The following LARGE1 variants were observed in gnomAD, a reference collection of about 807,000 sequenced individuals.
LARGE1 encodes the protein LARGE xylosyl- and glucuronyltransferase 1.
LARGE1 carries 43 observed loss-of-function variants against 87.6 expected under a neutral mutation model. The ratio of observed to expected loss-of-function variants is 0.49; its 90% CI spans 0.38 to 0.63. LARGE1 has a LOEUF of 0.63. Among genes scored for constraint, LARGE1 ranks in the 30% least tolerant of loss-of-function variants. LARGE1 has a pLI of 0.00. For missense variants in LARGE1, 802 were observed against 1,000.2 expected, an observed-to-expected ratio of 0.80 and a Z score of 2.67; for synonymous variants, 434 against 394.6, an observed-to-expected ratio of 1.10 and a Z score of -1.18.
At chr22:33,689,125 C>A (rs2082023306) in intron 2 of LARGE1, among the ~76,000 whole-genome samples, 1 of 150,210 alleles carries the variant, frequency 6.7e-6, no homozygotes, top group Non-Finnish European at 1.5e-5. Flanking sequence ...CGTGCTACTG[C>A]AAGGGCTGAC....
chr22:33,809,543 G>A (rs2086425607), intron 1 of LARGE1, among the ~76,000 whole-genome samples: 1 of 152,166 alleles, frequency 6.6e-6, no homozygotes, highest in African/African-American at 2.4e-5. Flanking sequence ...AGAGAGGTGT[G>A]GGCCTCACAT....
chr22:33,606,405 A>AAAAT (rs1379898898), intron 4 of LARGE1, among the ~76,000 whole-genome samples: 1 of 134,680 alleles, frequency 7.4e-6, no homozygotes, highest in East Asian at 2.2e-4. Flanking sequence ...ACCCCATCAC[A>AAAAT]AAATAAATAA....
chr22:33,626,047 T>C (rs1157292707), intron 4 of LARGE1, among the ~76,000 whole-genome samples, 197 bp downstream of exon 4: 1 of 152,228 alleles, frequency 6.6e-6, no homozygotes, highest in Admixed American at 6.5e-5. Flanking sequence ...ATTCTAAACA[T>C]GGCAAGACAG....
intron 10 of LARGE1, among the ~76,000 whole-genome samples, chr22:33,334,925 C>T (rs556029605): frequency 3.3e-5 from 5 of 152,350 alleles, no homozygotes; most frequent in Admixed American, 6.5e-5. Context: ...GAAAGACCAC[C>T]GACGACTTCT....
At chr22:33,627,581 C>T (rs930819304) in intron 3 of LARGE1, among the ~76,000 whole-genome samples, 10 of 152,178 alleles carry the variant, frequency 6.6e-5, no homozygotes, top group Admixed American at 5.9e-4. Flanking sequence ...GTTATCCCAA[C>T]CAGCCATGTC....
intron 7 of LARGE1, among the ~76,000 whole-genome samples, chr22:33,391,644 T>A (rs1392933636): frequency 1.3e-5 from 2 of 152,068 alleles, no homozygotes; most frequent in African/African-American, 2.4e-5. Flanking sequence ...TAATGACCCA[T>A]GTCCCCCTCT....
chr22:33,718,669 G>A (rs948076674), intron 2 of LARGE1, among the ~76,000 whole-genome samples: 2 of 152,250 alleles, frequency 1.3e-5, no homozygotes, highest in African/African-American at 4.8e-5. Flanking sequence ...GCACGTTCAT[G>A]CCCCTGAAGA....
chr22:33,669,242 T>C (rs2081344834), intron 2 of LARGE1, among the ~76,000 whole-genome samples: 1 of 152,228 alleles, frequency 6.6e-6, no homozygotes, highest in South Asian at 2.1e-4. Flanking sequence ...AATGCATTTT[T>C]AAGCCTATGG....
intron 11 of LARGE1, among the ~76,000 whole-genome samples, chr22:33,170,884 G>A (rs1922533187): frequency 6.6e-6 from 1 of 152,178 alleles, no homozygotes; most frequent in Non-Finnish European, 1.5e-5. Flanking sequence ...ACAGCGGTTG[G>A]AACAGTTAGG....
the LARGE1 span, among the ~76,000 whole-genome samples, chr22:33,100,495 G>A: frequency 1.4e-4 from 22 of 152,120 alleles, no homozygotes; most frequent in South Asian, 4.4e-3. Flanking sequence ...GACTGTAATA[G>A]CCACATAAGG....
At chr22:33,656,844 TG>T (rs2080974296) in intron 2 of LARGE1, 1 of 152,228 alleles carries the variant, frequency 6.6e-6, no homozygotes, top group Admixed American at 6.5e-5. Context: ...TCTGAATCTC[TG>T]AATCCACTTG....
intron 7 of LARGE1, among the ~76,000 whole-genome samples, chr22:33,409,424 G>T (rs370826708): frequency 1.3e-5 from 2 of 152,202 alleles, no homozygotes; most frequent in East Asian, 3.9e-4. Flanking sequence ...ATCACTGCCT[G>T]TCCCCTTTTC....
At chr22:33,226,532 T>G (rs560909337) in intron 11 of LARGE1, among the ~76,000 whole-genome samples, 5 of 152,162 alleles carry the variant, frequency 3.3e-5, no homozygotes, top group Non-Finnish European at 5.9e-5. Flanking sequence ...CCTCTAGCCA[T>G]GAGGAGCTCA....
In LARGE1 at chr22:33,499,026, A is replaced by T. The variant is rs113077274; in HGVS notation, c.787+65822T>A. Among the ~76,000 whole-genome samples, 5 of 152,300 alleles carry T rather than the reference A, an allele frequency of 3.3e-5. No individual in the cohort carries two copies. The South Asian group carries it at 1.0e-3, about 32-fold the overall frequency. On this transcript the variant is annotated intron_variant, in intron 6 of 14. Coordinates refer to ENST00000397394, the MANE Select transcript of LARGE1 (RefSeq NM_133642.5). Reference sequence around the variant, plus strand: ...ATTTAAAAAAAAATTGAAATAAAACAGTATAAAACAGAGACTCTTGTGGCT... The same window carrying T: ...ATTTAAAAAAAAATTGAAATAAAACTGTATAAAACAGAGACTCTTGTGGCT...
intron 6 of LARGE1, among the ~76,000 whole-genome samples, chr22:33,479,745 CT>C (rs35004846): frequency 2.7e-3 from 371 of 138,996 alleles, no homozygotes; most frequent in Middle Eastern, 3.7e-3. Context: ...AAAGTAATGA[CT>C]TTTTTTTTTT....
intron 6 of LARGE1, among the ~76,000 whole-genome samples, chr22:33,446,987 G>A (rs144593357): frequency 1.4e-4 from 22 of 152,268 alleles, no homozygotes; most frequent in African/African-American, 4.8e-4. Flanking sequence ...TCTGCCTCCC[G>A]GATTCAAGTG....
At chr22:33,073,343 A>T in the LARGE1 span, among the ~76,000 whole-genome samples, 1 of 152,196 alleles carries the variant, frequency 6.6e-6, no homozygotes. Context: ...GCACACACGT[A>T]ACCCTGATTA....
intron 11 of LARGE1, among the ~76,000 whole-genome samples, chr22:33,314,536 A>C (rs1234280344): frequency 6.6e-6 from 1 of 152,210 alleles, no homozygotes; most frequent in Non-Finnish European, 1.5e-5. Flanking sequence ...ATTCATGACT[A>C]ATAACACCTG....
rs185226262 is a variant in LARGE1, at chr22:33,204,350, C to T, written c.1731-37518G>A. On this transcript the variant is annotated intron_variant, in intron 11 of 11. Coordinates refer to the LARGE1 transcript ENST00000608642. ...GAAGCACAAGAGAGTCATAAAATGG[C>T]TTATTAAAAGGGTTGCAACTCAGAT... 2.4e-3 allele frequency among the ~76,000 whole-genome samples: 371 copies of T among 152,136 alleles called. 2 individuals carry two copies. The highest frequency in any genetic ancestry group is 8.6e-3 in the African/African-American group (356 of 41,508).
Sources: gnomAD v4.1 joint callset for allele counts (sites outside exome capture counted in the v4.1 genomes callset) on GRCh38, gnomAD v4.1.1 for gene constraint, MANE v1.5 for transcripts, NCBI Gene and HGNC (gene_info 2026-07-23, HGNC 2026-07-21) for gene names.